The following NPAT variants were observed in gnomAD, a reference collection of about 807,000 sequenced individuals.
NPAT encodes nuclear protein, coactivator of histone transcription.
In NPAT, 52 loss-of-function variants were observed where a neutral mutation model predicts 130.7. The ratio of observed to expected loss-of-function variants is 0.40; its 90% CI spans 0.32 to 0.50. The LOEUF (loss-of-function observed/expected upper bound fraction) is 0.50. NPAT is among the 20% of genes least tolerant of loss of function. NPAT has a pLI of 0.68. For missense variants in NPAT, 1,687 were observed against 1,662.6 expected (o/e 1.01, Z -0.26); for synonymous variants, 580 against 584.8 (o/e 0.99, Z 0.12).
chr11:108,198,719 C>A (rs2078247245), intron 1 of NPAT, among the ~76,000 whole-genome samples: 1 of 152,184 alleles, frequency 6.6e-6, no homozygotes, highest in Admixed American at 6.5e-5. Flanking sequence ...ATTCTGAGCC[C>A]ATGAAAACCT....
Position 108,185,247 on chromosome 11 carries a change from T to A in NPAT, c.891A>T (p.Glu297Asp). The A allele has an allele frequency of 6.2e-7, 1 of 1,611,114 alleles. No individual in the cohort carries two copies. The highest frequency in any genetic ancestry group is 8.5e-7 in the Non-Finnish European group (1 of 1,178,044). Residue 297 changes from glutamate (E) to aspartate (D), a missense_variant, in exon 10 of 18, where the codon GAA (glutamate) becomes GAT (aspartate). Around this residue, in one of 3 missense-constraint regions of NPAT, gnomAD observed 1,379 missense variants for 1,346.6 expected, o/e 1.02. Transcript: ENST00000278612. ...NPTEPETSID[E>D]FLGLPSEIHM... is the part of the protein sequence containing the mutation. ...CCACCCATACCGGAAGTCCTAGGAA[T>A]TCATCAATTGAAGTCTCTGGCTCCG...
intron 1 of NPAT, among the ~76,000 whole-genome samples, chr11:108,210,802 C>T (rs778310650): frequency 1.8e-4 from 28 of 152,194 alleles, no homozygotes; most frequent in East Asian, 1.9e-4. Context: ...AAACACCAAT[C>T]CTTTACAAAC....
chr11:108,219,323 T>C (rs936550583), intron 1 of NPAT, among the ~76,000 whole-genome samples: 2 of 152,208 alleles, frequency 1.3e-5, no homozygotes. Context: ...GATTGCTTCC[T>C]CTCTCCTTAT....
At position 108,173,641 on chromosome 11, in the gene NPAT, G is replaced by A. The variant is rs759291959; in HGVS notation, c.1343C>T (p.Pro448Leu). 16 of 1,614,052 alleles carry A rather than the reference G, an allele frequency of 9.9e-6. No individual in the cohort carries two copies. The highest frequency in any genetic ancestry group is 4.0e-5 in the African/African-American group (3 of 74,926). The change falls in exon 13 of 18, where the codon CCT (proline) becomes CTT (leucine). Residue 448 changes from proline to leucine, a missense_variant. Transcript: ENST00000278612. ...CDIDITFESV[P>L]NLNDFNQRGN... The stretch of plus-strand genomic sequence containing the variant: ...TCTTTGGTTAAAGTCATTCAAATTA[G>A]GCACGGACTCAAAGGTAATGTCAAT...
intron 1 of NPAT, among the ~76,000 whole-genome samples, chr11:108,206,269 G>A (rs1387287881): frequency 2.0e-5 from 3 of 152,120 alleles, no homozygotes; most frequent in African/African-American, 4.8e-5. Context: ...GTGGCTGGTG[G>A]TGCCTTTGCC....
In NPAT at chr11:108,161,751, T is replaced by A; in HGVS notation, c.3335A>T (p.Asn1112Ile). The change falls in exon 17 of 18, where the codon AAT becomes ATT. Residue 1112 changes from asparagine to isoleucine, a missense_variant. Around this residue, in one of 3 missense-constraint regions of NPAT, gnomAD observed 1,379 missense variants for 1,346.6 expected, o/e 1.02. Coordinates refer to ENST00000278612, the MANE Select transcript of NPAT (RefSeq NM_002519.3). ...NVSSTLKPPSNNAIKREKEKP... is the reference protein window; with the variant it reads ...NVSSTLKPPSINAIKREKEKP... Reference sequence around the variant, plus strand: ...CTCTTTCTCTCTTTTGATAGCATTATTAGAAGGGGGTTTTAAGGTGGAGGA... The same window carrying A: ...CTCTTTCTCTCTTTTGATAGCATTAATAGAAGGGGGTTTTAAGGTGGAGGA... 1.2e-6 allele frequency: 2 copies of A among 1,613,806 alleles called. No individual in the cohort carries two copies. Among genetic ancestry groups the A allele is most frequent in the Non-Finnish European group, 8.5e-7 (1 of 1,180,038 alleles).
chr11:108,172,306 T>C lies in NPAT; in HGVS notation c.2678A>G (p.Asn893Ser). The C allele has an allele frequency of 1.2e-6, 2 of 1,614,186 alleles. No homozygotes were observed. The highest frequency in any genetic ancestry group is 4.5e-5 in the East Asian group (2 of 44,880). The change falls in exon 13 of 18, where the codon AAT (asparagine) becomes AGT (serine). Residue 893 changes from asparagine to serine, a missense_variant. By Grantham distance (46) the Asn-to-Ser change is conservative. This residue lies in a region of NPAT where 1,379 missense variants were observed against 1,346.6 expected (regional missense o/e 1.02). Transcript: ENST00000278612. ...AGGTTGAGCAGTCATAGGTGCAGAA[T>C]TTCCAGGCAACACCACTACATTAGA... ...SQSNVVVLPG[N>S]SAPMTAQPLP...
At chr11:108,188,988 C>T in intron 6 of NPAT, 118 bp downstream of exon 6, 1 of 808,808 alleles carries the variant, frequency 1.2e-6, no homozygotes, top group Non-Finnish European at 2.1e-6. Context: ...TTTAGTCTCT[C>T]TCATCTTTTA....
chr11:108,172,121 G>T, intron 13 of NPAT, 78 bp downstream of exon 13: 3 of 1,194,060 alleles, frequency 2.5e-6, no homozygotes, highest in Non-Finnish European at 3.8e-6. Context: ...TTATTACTTC[G>T]CAGTCAATAA....
At chr11:108,175,532 T>C (rs1317973100) in intron 12 of NPAT, among the ~76,000 whole-genome samples, 2 of 152,230 alleles carry the variant, frequency 1.3e-5, no homozygotes, top group South Asian at 2.1e-4. Flanking sequence ...CAAGTTTCAC[T>C]TTGTACAGGG....
Position 108,173,079 on chromosome 11 carries a change from T to C in NPAT, c.1905A>G (p.Pro635=), listed in dbSNP as rs368455705. 65 of 1,613,992 alleles carry C rather than the reference T, an allele frequency of 4.0e-5. No homozygotes were observed. Among genetic ancestry groups the C allele is most frequent in the Non-Finnish European group, 5.5e-5 (65 of 1,180,024 alleles). The part of the protein sequence containing the change: ...LGDSLSSTKQ[P]SNDSASVELN... The stretch of plus-strand genomic sequence containing the variant: ...ACTCAACAGATGCTGAATCATTAGA[T>C]GGTTGTTTAGTAGAAGACAGCGAAT... Residue 635 remains proline, a synonymous_variant, in exon 13 of 18, where the codon CCA becomes CCG. Coordinates refer to ENST00000278612, the MANE Select transcript of NPAT (RefSeq NM_002519.3).
Position 108,169,859 on chromosome 11 carries a change from G to C in NPAT, c.2902-7C>G. The C allele has an allele frequency of 6.2e-7, 1 of 1,612,312 alleles. No homozygotes were observed. The highest frequency in any genetic ancestry group is 8.5e-7 in the Non-Finnish European group (1 of 1,178,410). On this transcript the variant is annotated splice_polypyrimidine_tract_variant and splice_region_variant and intron_variant, in intron 14 of 17. Coordinates refer to ENST00000278612, the MANE Select transcript of NPAT (RefSeq NM_002519.3). Reference sequence around the variant, plus strand: ...TCAAAGGCATATGAAGAACCTGGAAGAGAAAAAGCCATTAATTACACTAAG... The same window carrying C: ...TCAAAGGCATATGAAGAACCTGGAACAGAAAAAGCCATTAATTACACTAAG...
In NPAT at chr11:108,181,173, C is replaced by A. The variant is rs1218430129; in HGVS notation, c.906+4059G>T. ...AAAGAAGTAACTATGATTAAATGAG[C>A]CTATAACTGGCTGGGTGTGGTGGCT... On this transcript the variant is annotated intron_variant, in intron 10 of 17. Transcript: ENST00000278612. Among the ~76,000 whole-genome samples, 7 of 152,104 alleles carry A rather than the reference C, an allele frequency of 4.6e-5. No homozygotes were observed. In the East Asian group the frequency reaches 1.3e-3, roughly 29 times the overall value.
chr11:108,208,188 A>G (rs1401501503), intron 1 of NPAT, among the ~76,000 whole-genome samples: 1 of 152,186 alleles, frequency 6.6e-6, no homozygotes, highest in African/African-American at 2.4e-5. Context: ...GTTGGTATAC[A>G]AACAGTTTTG....
chr11:108,165,175 A>T (rs901199842), intron 15 of NPAT, among the ~76,000 whole-genome samples: 4 of 152,086 alleles, frequency 2.6e-5, no homozygotes, highest in African/African-American at 9.7e-5. Flanking sequence ...CTGAGTAAAA[A>T]TCTGGTGTTA....
At chr11:108,174,423 A>G (rs894197802) in intron 12 of NPAT, among the ~76,000 whole-genome samples, 1 of 152,150 alleles carries the variant, frequency 6.6e-6, no homozygotes, top group African/African-American at 2.4e-5. Flanking sequence ...GAATGATCCA[A>G]TCTCTAATCT....
chr11:108,188,550 C>T (rs747852752), intron 6 of NPAT, among the ~76,000 whole-genome samples: 5 of 152,190 alleles, frequency 3.3e-5, no homozygotes, highest in Non-Finnish European at 7.4e-5. Flanking sequence ...GGTTTGTGAA[C>T]TGAGAGTGCT....
chr11:108,182,943 A>C (rs2078071156), intron 10 of NPAT, among the ~76,000 whole-genome samples: 1 of 152,228 alleles, frequency 6.6e-6, no homozygotes, highest in Admixed American at 6.5e-5. Context: ...CAATAAGCAA[A>C]AAGTTGGAGA....
At position 108,192,093 on chromosome 11, in the gene NPAT, T is replaced by G. The variant is rs778440534; in HGVS notation, c.290+25A>C. 2.7e-6 allele frequency: 4 copies of G among 1,474,776 alleles called. No homozygotes were observed. The Admixed American group carries it at 5.0e-5, about 18-fold the overall frequency. 91.4% of individuals were successfully genotyped at this position (1,474,776 alleles called of 1,614,324 possible). The stretch of plus-strand genomic sequence containing the variant: ...AAGTGTATTTGCATTCCAAAATCAT[T>G]AGGCACATTCTAATAGCTTATTACC... On this transcript the variant is annotated intron_variant, in intron 4 of 17. Transcript: ENST00000278612.
Sources: gnomAD v4.1 joint callset for allele counts (sites outside exome capture counted in the v4.1 genomes callset) on GRCh38, gnomAD v4.1.1 for gene constraint, gnomAD v4.1.1 regional missense constraint, MANE v1.5 for transcripts, NCBI Gene and HGNC (gene_info 2026-07-23, HGNC 2026-07-21) for gene names.